Variants in HSF5 observed in about 807,000 individuals in gnomAD.
The protein encoded by HSF5 is heat shock factor protein 5.
A neutral mutation model predicts 50.8 loss-of-function variants in HSF5; 5 were observed. The observed-to-expected ratio is 0.10, with a 90% CI of 0.05 to 0.21. The LOEUF is 0.21. Ranked by LOEUF, HSF5 falls within the 10% of genes least tolerant of loss-of-function variation. The pLI, the probability that HSF5 is intolerant of heterozygous loss-of-function variation, is 1.00. For synonymous variants in HSF5, 307 were observed against 307.4 expected (o/e 1.00, Z 0.02); for missense variants, 564 against 762.6 (o/e 0.74, Z 3.07).
intron 5 of HSF5, among the ~76,000 whole-genome samples, chr17:58,434,853 A>AG (rs1182246049): frequency 6.6e-6 from 1 of 152,206 alleles, no homozygotes; most frequent in Admixed American, 6.5e-5. Context: ...ACTCTGCCTT[A>AG]GGGGGAAAGC....
intron 5 of HSF5, among the ~76,000 whole-genome samples, chr17:58,440,814 A>C (rs1311344932): frequency 1.3e-5 from 2 of 152,256 alleles, no homozygotes; most frequent in Admixed American, 6.5e-5. Context: ...ATTGAAAAAT[A>C]ATCAAATTAA....
chr17:58,456,886 G>A (rs1974718954), intron 5 of HSF5, among the ~76,000 whole-genome samples: 1 of 152,168 alleles, frequency 6.6e-6, no homozygotes, highest in Non-Finnish European at 1.5e-5. Flanking sequence ...ACTTTGAGAG[G>A]TCAAGGCAGG....
At chr17:58,428,602 T>C (rs530608263) in intron 5 of HSF5, among the ~76,000 whole-genome samples, 200 of 151,456 alleles carry the variant, frequency 1.3e-3, no homozygotes, top group African/African-American at 4.5e-3. Context: ...GAGCTTGCAG[T>C]GAGCCGAGAT....
At chr17:58,458,295 T>C (rs1414772694) in intron 5 of HSF5, among the ~76,000 whole-genome samples, 1 of 152,252 alleles carries the variant, frequency 6.6e-6, no homozygotes, top group African/African-American at 2.4e-5. Flanking sequence ...TTCATTGGTA[T>C]AGGGTCATAC....
intron 2 of HSF5, among the ~76,000 whole-genome samples, chr17:58,475,097 C>T (rs974643915): frequency 6.6e-6 from 1 of 152,060 alleles, no homozygotes; most frequent in African/African-American, 2.4e-5. Context: ...AAAAGAGTAA[C>T]AGCTCTGAAA....
chr17:58,436,706 C>T (rs138436165), intron 5 of HSF5, among the ~76,000 whole-genome samples: 60 of 151,940 alleles, frequency 3.9e-4, no homozygotes, highest in African/African-American at 1.4e-3. Context: ...GAATATGTCT[C>T]GATAGATTGT....
intron 2 of HSF5, among the ~76,000 whole-genome samples, chr17:58,467,603 T>C (rs560251778): frequency 1.9e-4 from 29 of 152,210 alleles, no homozygotes; most frequent in Non-Finnish European, 3.1e-4. Context: ...TGCATCCTAT[T>C]AAAATAGAGA....
chr17:58,427,580 T>C (rs926572516), intron 5 of HSF5, among the ~76,000 whole-genome samples: 2 of 152,258 alleles, frequency 1.3e-5, no homozygotes, highest in African/African-American at 4.8e-5. Context: ...ACATTATTGA[T>C]GAGAGATACT....
At chr17:58,443,623 T>A (rs769661976) in intron 5 of HSF5, among the ~76,000 whole-genome samples, 29 of 152,250 alleles carry the variant, frequency 1.9e-4, no homozygotes, top group Admixed American at 5.2e-4. Context: ...TGTTCTTAAA[T>A]CATAATCAGA....
Position 58,420,665 on chromosome 17 carries a change from ATAT to A in HSF5, c.*1692_*1694del, listed in dbSNP as rs1974218481. On this transcript the variant is annotated 3_prime_UTR_variant, in exon 6 of 6. Transcript: ENST00000323777. ...TCTCCTCTTCACATACTCTGACAAA[ATAT>A]TATATAGTCTGGCCAAAAGATATAG... 6.6e-6 allele frequency: 1 copy of A among 152,210 alleles called. No homozygotes were observed. Among genetic ancestry groups the A allele is most frequent in the South Asian group, 2.1e-4 (1 of 4,832 alleles). The allele number at this position is 152,210 out of a possible 1,614,324, so 9.4% of individuals were successfully genotyped here. A position where few individuals can be genotyped will look rare whatever the true frequency, so the allele number is the denominator to read the frequency against.
At chr17:58,437,020 G>A (rs1051446912) in intron 5 of HSF5, among the ~76,000 whole-genome samples, 1 of 152,030 alleles carries the variant, frequency 6.6e-6, no homozygotes, top group Middle Eastern at 3.2e-3. Context: ...TCTGCCTCCC[G>A]ACATCTTCAT....
intron 1 of HSF5, among the ~76,000 whole-genome samples, chr17:58,486,890 T>C (rs1975189138): frequency 6.7e-6 from 1 of 150,024 alleles, no homozygotes; most frequent in Non-Finnish European, 1.5e-5. Context: ...ATTGTAATGT[T>C]CTAAGTTCTC....
At position 58,487,743 on chromosome 17, in the gene HSF5, GC is replaced by G; in HGVS notation, c.531del (p.Arg179GlyfsTer10). 7.2e-7 allele frequency: 1 copy of G among 1,384,054 alleles called. No individual in the cohort carries two copies. The allele number at this position is 1,384,054 out of a possible 1,614,324, so 85.7% of individuals were successfully genotyped here. A position where few individuals can be genotyped will look rare whatever the true frequency, so the allele number is the denominator to read the frequency against. ...LQHQQPPPPAGPRPEPHGPVA... is the reference protein window; with the variant it reads ...LQHQQPPPPAXPRPEPHGPVA... ...GACTCACCGTGCGGCTCGGGCCGGGGCCCCGCGGGCGGCGGCGGCTGCTGGT... is the reference window on the plus strand; with the variant it reads ...GACTCACCGTGCGGCTCGGGCCGGGGCCCGCGGGCGGCGGCGGCTGCTGGT... On this transcript the variant is annotated frameshift_variant, in exon 1 of 6. Coordinates refer to ENST00000323777, the MANE Select transcript of HSF5 (RefSeq NM_001080439.3). LOFTEE classifies it high-confidence loss of function.
chr17:58,442,477 T>G (rs1974511608), intron 5 of HSF5, among the ~76,000 whole-genome samples: 1 of 152,196 alleles, frequency 6.6e-6, no homozygotes, highest in African/African-American at 2.4e-5. Flanking sequence ...TGTACACACT[T>G]TATAGATACT....
chr17:58,435,791 C>A (rs182215345), intron 5 of HSF5, among the ~76,000 whole-genome samples: 1 of 144,214 alleles, frequency 6.9e-6, no homozygotes, highest in African/African-American at 2.6e-5. Context: ...CCCAGCTACT[C>A]GGGAGGCTGA....
chr17:58,449,113 T>C (rs1974600575), intron 5 of HSF5, among the ~76,000 whole-genome samples: 1 of 152,100 alleles, frequency 6.6e-6, no homozygotes, highest in Non-Finnish European at 1.5e-5. Flanking sequence ...GGCCTTGTGG[T>C]AATCATAGAC....
chr17:58,428,398 G>A (rs1158943287), intron 5 of HSF5, among the ~76,000 whole-genome samples: 1 of 152,062 alleles, frequency 6.6e-6, no homozygotes, highest in Non-Finnish European at 1.5e-5. Flanking sequence ...GGTGGCTCAC[G>A]TCTGTAATCC....
rs1353634129 is a variant in HSF5 at position 58,487,902 on chromosome 17, C to G, written c.373G>C (p.Val125Leu). The change falls in exon 1 of 6, where the codon GTG (valine) becomes CTG (leucine). Residue 125 changes from valine to leucine, a missense_variant. Val to Leu is a conservative substitution (Grantham distance 32, BLOSUM62 1). Around this residue, in one of 5 missense-constraint regions of HSF5, gnomAD observed 21 missense variants for 75.9 expected, o/e 0.28. Transcript: ENST00000323777. ...HFRRDQPQLL[V>L]HLKRLTSANK... ...GCGCTGGTGAGGCGCTTGAGGTGCA[C>G]GAGCAGCTGTGGCTGGTCGCGGCGG... 1.2e-6 allele frequency: 2 copies of G among 1,610,556 alleles called. No homozygotes were observed. The highest frequency in any genetic ancestry group is 1.1e-5 in the South Asian group (1 of 90,796).
chr17:58,431,235 CG>C (rs1286333308), intron 5 of HSF5, among the ~76,000 whole-genome samples: 8 of 152,170 alleles, frequency 5.3e-5, no homozygotes, highest in African/African-American at 1.9e-4. Context: ...TGCCCAGTCT[CG>C]GGTATGTCTT....
Sources: gnomAD v4.1 joint callset for allele counts (sites outside exome capture counted in the v4.1 genomes callset) on GRCh38, gnomAD v4.1.1 for gene constraint, gnomAD v4.1.1 regional missense constraint, MANE v1.5 for transcripts, NCBI Gene and HGNC (gene_info 2026-07-23, HGNC 2026-07-21) for gene names.